Variants in AGAP1 observed in about 807,000 individuals in gnomAD.
AGAP1 encodes the protein ArfGAP with GTPase domain, ankyrin repeat and PH domain 1.
Under a neutral mutation model 105.3 loss-of-function variants are expected in AGAP1, and 29 were observed. The ratio of observed to expected loss-of-function variants is 0.28; its 90% CI spans 0.21 to 0.38. The LOEUF (loss-of-function observed/expected upper bound fraction) is 0.38, where lower values mean the gene tolerates loss of function less well. Among genes scored for constraint, AGAP1 ranks in the 10% least tolerant of loss-of-function variants. AGAP1 has a pLI of 1.00. For missense variants in AGAP1, 998 were observed against 1,165.1 expected (o/e 0.86, Z 2.09); for synonymous variants, 509 against 485.9 (o/e 1.05, Z -0.63).
rs1470364636 is a variant in AGAP1, at chr2:235,747,721, G to T, written c.539-2633G>T. 6.6e-6 allele frequency among the ~76,000 whole-genome samples: 1 copy of T among 152,242 alleles called. No individual in the cohort carries two copies. The highest frequency in any genetic ancestry group is 1.5e-5 in the Non-Finnish European group (1 of 68,042). On this transcript the variant is annotated intron_variant, in intron 5 of 17. Transcript: ENST00000304032. This position sits in a 1 kb window ranked among gnomAD's most constrained non-coding sequence, Gnocchi z 5.0. The stretch of plus-strand genomic sequence containing the variant: ...CTTCCTGCGTGCAGACTTGCTCTCC[G>T]TGAAGCCCGTGCTCGGCTGCTCTTT...
chr2:235,831,545 ATAGAGTTG>A (rs1310894536), intron 9 of AGAP1, among the ~76,000 whole-genome samples: 1 of 152,188 alleles, frequency 6.6e-6, no homozygotes, highest in Non-Finnish European at 1.5e-5. Context: ...CCAGGATGCC[ATAGAGTTG>A]GAATGATAGA....
intron 1 of AGAP1, among the ~76,000 whole-genome samples, chr2:235,580,282 G>A (rs1293735050): frequency 6.6e-6 from 1 of 152,122 alleles, no homozygotes; most frequent in African/African-American, 2.4e-5. Context: ...GTGGTTGCTT[G>A]GAAAGGTAAT....
chr2:235,689,584 CAT>C lies in AGAP1; in HGVS notation c.164-19594_164-19593del, dbSNP rs1491020384. ...TGTTTCTCAACTCCCCTCTTGTTTT[CAT>C]TGTTTCAGGCAAATAATTTCTGATG... On this transcript the variant is annotated intron_variant, in intron 1 of 17. Coordinates refer to ENST00000304032, the MANE Select transcript of AGAP1 (RefSeq NM_001037131.3). This position sits in a 1 kb window ranked among gnomAD's most constrained non-coding sequence, Gnocchi z 4.2. 2.5e-3 allele frequency among the ~76,000 whole-genome samples: 388 copies of C among 152,316 alleles called. 5 individuals are homozygous for C. Among genetic ancestry groups the C allele is most frequent in the African/African-American group, 8.7e-3 (362 of 41,570 alleles).
At chr2:235,795,026 A>G (rs1198850217) in intron 6 of AGAP1, among the ~76,000 whole-genome samples, 1 of 152,180 alleles carries the variant, frequency 6.6e-6, no homozygotes, top group African/African-American at 2.4e-5. Flanking sequence ...TAAATGTTCT[A>G]AATAGTATGA....
chr2:235,522,383 G>A (rs987096892), intron 1 of AGAP1, among the ~76,000 whole-genome samples: 13 of 152,280 alleles, frequency 8.5e-5, no homozygotes, highest in African/African-American at 3.1e-4. Flanking sequence ...CCTCTCCTCC[G>A]TAAGACGCTC....
rs1335514478 is a variant in AGAP1 at position 236,058,727 on chromosome 2, G to A, written c.2114+9446G>A. Among the ~76,000 whole-genome samples the A allele has an allele frequency of 6.6e-6, 1 of 152,162 alleles. No homozygotes were observed. Among genetic ancestry groups the A allele is most frequent in the East Asian group, 1.9e-4 (1 of 5,192 alleles). On this transcript the variant is annotated intron_variant, in intron 16 of 17. Transcript: ENST00000304032. The surrounding 1 kb of genome is among the most constrained non-coding windows in gnomAD (Gnocchi z 4.6). ...ACTGGAGGTTCAAGCCAGGGAATTA[G>A]GCAAGAAGAAGAAACCAAAAGCATC...
At chr2:235,767,777 C>CTTTTTTTTTT (rs71414307) in intron 6 of AGAP1, among the ~76,000 whole-genome samples, 8 of 62,038 alleles carry the variant, frequency 1.3e-4, no homozygotes, top group East Asian at 6.0e-4. Flanking sequence ...AGTTTCTTGT[C>CTTTTTTTTTT]TTTTTTTTTT....
intron 13 of AGAP1, among the ~76,000 whole-genome samples, chr2:236,031,612 C>G (rs1464601694): frequency 2.6e-5 from 4 of 152,162 alleles, no homozygotes; most frequent in Non-Finnish European, 5.9e-5. Context: ...CCAGTCTCCT[C>G]TGAAAGGGCC....
chr2:235,849,572 G>T (rs1961917848), intron 9 of AGAP1, among the ~76,000 whole-genome samples: 2 of 152,176 alleles, frequency 1.3e-5, no homozygotes, highest in South Asian at 4.1e-4. Flanking sequence ...GTGAGCAGAA[G>T]CCCGGGCCCC....
At chr2:235,534,847 T>C (rs1043988766) in intron 1 of AGAP1, among the ~76,000 whole-genome samples, 14 of 152,122 alleles carry the variant, frequency 9.2e-5, no homozygotes, top group Non-Finnish European at 1.5e-5. Flanking sequence ...TCTACATCTT[T>C]AGCTGTCAGG....
chr2:236,103,486 T>C (rs977894537), intron 16 of AGAP1, among the ~76,000 whole-genome samples: 6 of 151,718 alleles, frequency 4.0e-5, no homozygotes, highest in African/African-American at 1.5e-4. Flanking sequence ...CCTTGTTTGT[T>C]TGTCTTTCTT....
chr2:235,937,691 C>T (rs1188506976), intron 12 of AGAP1, among the ~76,000 whole-genome samples: 3 of 152,226 alleles, frequency 2.0e-5, no homozygotes, highest in Non-Finnish European at 1.5e-5. Flanking sequence ...CAGGGGCTCG[C>T]AGCCAGGGGT....
At chr2:235,851,635 C>T (rs774472388) in intron 9 of AGAP1, among the ~76,000 whole-genome samples, 8 of 152,126 alleles carry the variant, frequency 5.3e-5, no homozygotes, top group Non-Finnish European at 1.0e-4. Flanking sequence ...GGCTTATCTC[C>T]GTGTGTGTGG....
rs1456720968 is a variant in AGAP1, at chr2:236,000,028, A to G, written c.1645+31405A>G. Among the ~76,000 whole-genome samples, 1 of 152,124 alleles carries G rather than the reference A, an allele frequency of 6.6e-6. No homozygotes were observed. The highest frequency in any genetic ancestry group is 1.5e-5 in the Non-Finnish European group (1 of 68,018). ...CTGTCAGAAAGAATACGTGAAGGCCAGCTTCTAGACCAGTGTCCTCACGTG... is the reference window on the plus strand; with the variant it reads ...CTGTCAGAAAGAATACGTGAAGGCCGGCTTCTAGACCAGTGTCCTCACGTG... On this transcript the variant is annotated intron_variant, in intron 13 of 17. Coordinates refer to ENST00000304032, the MANE Select transcript of AGAP1 (RefSeq NM_001037131.3). The surrounding 1 kb of genome is among the most constrained non-coding windows in gnomAD (Gnocchi z 4.3).
At chr2:236,102,154 A>C (rs542916624) in intron 16 of AGAP1, among the ~76,000 whole-genome samples, 4 of 152,032 alleles carry the variant, frequency 2.6e-5, no homozygotes, top group Non-Finnish European at 5.9e-5. Context: ...GCGGTGGCTC[A>C]CGCCTGTAAT....
intron 9 of AGAP1, among the ~76,000 whole-genome samples, chr2:235,857,888 A>G (rs909796089): frequency 1.3e-5 from 2 of 152,182 alleles, no homozygotes; most frequent in African/African-American, 4.8e-5. Flanking sequence ...GCCCTGTGCC[A>G]TGTTTTTTGC....
intron 1 of AGAP1, among the ~76,000 whole-genome samples, chr2:235,627,334 C>G (rs1946674741): frequency 1.3e-5 from 2 of 151,376 alleles, no homozygotes; most frequent in Non-Finnish European, 2.9e-5. Context: ...AAGCAATTCT[C>G]CTGCCTCGGC....
At chr2:235,816,450 A>T (rs1027906600) in intron 9 of AGAP1, among the ~76,000 whole-genome samples, 2 of 151,490 alleles carry the variant, frequency 1.3e-5, no homozygotes, top group Non-Finnish European at 2.9e-5. Flanking sequence ...AAAAAAAAAA[A>T]AAAAAAAGGA....
chr2:235,543,435 C>A (rs1195957096), intron 1 of AGAP1, among the ~76,000 whole-genome samples: 1 of 152,198 alleles, frequency 6.6e-6, no homozygotes, highest in Non-Finnish European at 1.5e-5. Context: ...ACGGGGAGAA[C>A]TGCTGGTTTC....
Sources: gnomAD v4.1 joint callset for allele counts (sites outside exome capture counted in the v4.1 genomes callset) on GRCh38, gnomAD v4.1.1 for gene constraint, Gnocchi (gnomAD v3.1) non-coding constraint, MANE v1.5 for transcripts, NCBI Gene and HGNC (gene_info 2026-07-23, HGNC 2026-07-21) for gene names.